Variants in NUF2 observed in about 807,000 individuals in gnomAD.
NUF2 encodes NUF2 component of NDC80 kinetochore complex, also known as kinetochore protein Nuf2.
A neutral mutation model predicts 61.8 loss-of-function variants in NUF2; 34 were observed. The observed-to-expected ratio is 0.55, with a 90% CI of 0.42 to 0.73. NUF2 has a LOEUF of 0.73. NUF2 is among the 30% of genes least tolerant of loss of function. The probability of loss-of-function intolerance (pLI) is 0.00; values close to 1 mark genes in which losing one functional copy is unlikely to be tolerated. For missense variants in NUF2, 445 were observed against 539.1 expected, an observed-to-expected ratio of 0.83 and a Z score of 1.73; for synonymous variants, 172 against 181.6, an observed-to-expected ratio of 0.95 and a Z score of 0.42.
In NUF2 at chr1:163,347,772, T is replaced by G. The variant is rs1343761638; in HGVS notation, c.958T>G (p.Leu320Val). 1 of 1,566,312 alleles carries G rather than the reference T, an allele frequency of 6.4e-7. No individual in the cohort carries two copies. The highest frequency in any genetic ancestry group is 8.6e-7 in the Non-Finnish European group (1 of 1,159,840). ...LASILKESLN[L>V]EDQIESDESE... ...TTCTTATAAAATACAGAGCCTGAAC[T>G]TGGAGGACCAAATTGAGAGTGATGA... Residue 320 changes from leucine to valine, a missense_variant, in exon 12 of 14, where the codon TTG (leucine) becomes GTG (valine). Physicochemically the swap from Leu to Val is conservative, Grantham distance 32 (BLOSUM62 1). Coordinates refer to ENST00000271452, the MANE Select transcript of NUF2 (RefSeq NM_145697.3).
intron 9 of NUF2, among the ~76,000 whole-genome samples, chr1:163,342,128 A>G (rs1010985379): frequency 2.0e-5 from 3 of 152,128 alleles, no homozygotes; most frequent in African/African-American, 7.2e-5. Context: ...ATTTTTTAAT[A>G]CTATATTTTC....
Position 163,337,978 on chromosome 1 carries a change from T to C in NUF2, c.436-42T>C, listed in dbSNP as rs749542602. The C allele has an allele frequency of 4.9e-5, 70 of 1,441,056 alleles. No homozygotes were observed. In the East Asian group the frequency reaches 1.5e-3, roughly 32 times the overall value. 89.3% of individuals were successfully genotyped at this position (1,441,056 alleles called of 1,614,324 possible). A position where few individuals can be genotyped will look rare whatever the true frequency, so the allele number is the denominator to read the frequency against. On this transcript the variant is annotated intron_variant, in intron 6 of 13. Coordinates refer to ENST00000271452, the MANE Select transcript of NUF2 (RefSeq NM_145697.3). ...AAACATTTTGGACACACTGATTGTG[T>C]TGAAATGCACTAATATGAGATGATT...
chr1:163,340,828 ATATG>A (rs1650919832), intron 9 of NUF2, among the ~76,000 whole-genome samples: 1 of 152,190 alleles, frequency 6.6e-6, no homozygotes, highest in South Asian at 2.1e-4. Context: ...GTTGAGCATT[ATATG>A]TATGTGCTGT....
Position 163,327,522 on chromosome 1 carries a change from T to G in NUF2, c.158T>G (p.Leu53Ter), listed in dbSNP as rs1650464372. ...EVLHMIYMRALQIVYGIRLEH... is the reference protein window; with the variant it reads ...EVLHMIYMRA The stretch of plus-strand genomic sequence containing the variant: ...TTGCACATGATCTACATGAGAGCCT[T>G]ACAAATAGTATATGGAATTCGACTG... Residue 53 changes from leucine to a stop codon, truncating the protein, a stop_gained, in exon 3 of 14, where the codon TTA becomes TGA. Transcript: ENST00000271452. LOFTEE classifies it high-confidence loss of function. 6.2e-7 allele frequency: 1 copy of G among 1,612,510 alleles called. No individual in the cohort carries two copies. The highest frequency in any genetic ancestry group is 1.3e-5 in the African/African-American group (1 of 74,888).
At position 163,349,075 on chromosome 1, in the gene NUF2, T is replaced by C; in HGVS notation, c.1255T>C (p.Ser419Pro). Reference sequence around the variant, plus strand: ...TGCTGCTGAAAGGGAGAAACTGAAGTCCCAGGTGAATATGTGTTCATAAGA... The same window carrying C: ...TGCTGCTGAAAGGGAGAAACTGAAGCCCCAGGTGAATATGTGTTCATAAGA... ...KDAAEREKLK[S>P]QEIFLNLKTA... The change falls in exon 13 of 14, where the codon TCC (serine) becomes CCC (proline). Residue 419 changes from serine to proline, a missense_variant. Transcript: ENST00000271452. 6.2e-7 allele frequency: 1 copy of C among 1,602,884 alleles called. No homozygotes were observed. The highest frequency in any genetic ancestry group is 2.2e-5 in the East Asian group (1 of 44,690).
In NUF2 at chr1:163,349,003, A is replaced by C. The variant is rs1419807125; in HGVS notation, c.1183A>C (p.Asn395His). ...GAVYERVTTINQEIQKIKLGI... is the reference protein window; with the variant it reads ...GAVYERVTTIHQEIQKIKLGI... ...TGTCTATGAACGAGTAACCACAATT[A>C]ATCAAGAAATCCAAAAAATTAAACT... The change falls in exon 13 of 14, where the codon AAT (asparagine) becomes CAT (histidine). Residue 395 changes from asparagine to histidine, a missense_variant. Coordinates refer to ENST00000271452, the MANE Select transcript of NUF2 (RefSeq NM_145697.3). 1 of 1,611,616 alleles carries C rather than the reference A, an allele frequency of 6.2e-7. No homozygotes were observed. Among genetic ancestry groups the C allele is most frequent in the Non-Finnish European group, 8.5e-7 (1 of 1,179,260 alleles).
intron 5 of NUF2, among the ~76,000 whole-genome samples, chr1:163,331,887 A>G (rs1650609613): frequency 6.6e-6 from 1 of 151,542 alleles, no homozygotes; most frequent in African/African-American, 2.4e-5. Flanking sequence ...TTTCCTAACC[A>G]GTCTGGTTAT....
chr1:163,349,236 G>A (rs1357234522), intron 13 of NUF2, among the ~76,000 whole-genome samples, 156 bp downstream of exon 13: 3 of 151,992 alleles, frequency 2.0e-5, no homozygotes, highest in African/African-American at 7.2e-5. Context: ...TATATTTACT[G>A]TAAAGCTTCA....
chr1:163,352,906 T>A (rs1651371461), intron 13 of NUF2, among the ~76,000 whole-genome samples: 1 of 152,166 alleles, frequency 6.6e-6, no homozygotes. Context: ...ATCATTTCCA[T>A]TATTTAAGGT....
chr1:163,339,811 A>G (rs954263049), intron 8 of NUF2, among the ~76,000 whole-genome samples: 1 of 152,128 alleles, frequency 6.6e-6, no homozygotes, highest in Non-Finnish European at 1.5e-5. Context: ...TTAAATTTTC[A>G]AGGGAACCAC....
At chr1:163,336,984 A>G (rs1650780259) in intron 6 of NUF2, 136 bp downstream of exon 6, 1 of 590,224 alleles carries the variant, frequency 1.7e-6, no homozygotes, top group Non-Finnish European at 3.0e-6. Flanking sequence ...TTTTATATTT[A>G]TATTAACTTG....
intron 9 of NUF2, among the ~76,000 whole-genome samples, chr1:163,343,389 T>C (rs1306380883): frequency 6.6e-6 from 1 of 152,178 alleles, no homozygotes; most frequent in Non-Finnish European, 1.5e-5. Context: ...GATAATGATA[T>C]TCTAGGAGGA....
At position 163,348,951 on chromosome 1, in the gene NUF2, C is replaced by A; in HGVS notation, c.1131C>A (p.Cys377Ter). ...KQYKRTVIED[C>*]NKVQEKRGAV... is the part of the protein sequence containing the mutation. ...TGTCTCGATTTTCTTTCAGGGATTG[C>A]AATAAAGTTCAAGAAAAAAGAGGTG... The change falls in exon 13 of 14, where the codon TGC becomes TGA. Residue 377 changes from cysteine (C) to a stop codon, truncating the protein, a stop_gained. Transcript: ENST00000271452. LOFTEE classifies it high-confidence loss of function. 6.2e-7 allele frequency: 1 copy of A among 1,601,776 alleles called. No homozygotes were observed. The highest frequency in any genetic ancestry group is 8.5e-7 in the Non-Finnish European group (1 of 1,177,138).
chr1:163,352,694 G>A (rs1269331591), intron 13 of NUF2, among the ~76,000 whole-genome samples: 8 of 152,148 alleles, frequency 5.3e-5, no homozygotes, highest in South Asian at 4.2e-4. Flanking sequence ...GTGAAACCCC[G>A]TCTCTACTAA....
intron 10 of NUF2, 96 bp downstream of exon 10, chr1:163,343,966 T>C: frequency 3.0e-6 from 2 of 657,842 alleles, no homozygotes; most frequent in East Asian, 7.0e-5. Context: ...TTCTGAATTA[T>C]CTATACTTCT....
At chr1:163,331,993 T>G (rs550053271) in intron 5 of NUF2, among the ~76,000 whole-genome samples, 1 of 151,982 alleles carries the variant, frequency 6.6e-6, no homozygotes, top group Non-Finnish European at 1.5e-5. Context: ...TTATTGTTAT[T>G]CTTTCTTCAT....
Position 163,328,425 on chromosome 1 carries a change from C to T in NUF2, c.275+121C>T, listed in dbSNP as rs1047809623. ...TACTATGTTCCTTTTCATTTCATCC[C>T]ATATACATTCATTCAAACTTTCAAA... On this transcript the variant is annotated intron_variant, in intron 4 of 13. Coordinates refer to ENST00000271452, the MANE Select transcript of NUF2 (RefSeq NM_145697.3). The T allele has an allele frequency of 2.6e-5, 15 of 571,520 alleles. No homozygotes were observed. In the African/African-American group the frequency reaches 2.7e-4, roughly 10 times the overall value. 35.4% of individuals were successfully genotyped at this position (571,520 alleles called of 1,614,324 possible).
At chr1:163,326,197 T>C in intron 2 of NUF2, 23 bp downstream of exon 2, 1 of 1,609,574 alleles carries the variant, frequency 6.2e-7, no homozygotes, top group Non-Finnish European at 8.5e-7. Flanking sequence ...TACGTTTGCA[T>C]GTGGATAATG....
chr1:163,341,272 C>T (rs888722562), intron 9 of NUF2, among the ~76,000 whole-genome samples: 5 of 152,030 alleles, frequency 3.3e-5, no homozygotes, highest in Admixed American at 1.3e-4. Flanking sequence ...TGCAGTGGCG[C>T]GATCTTGGCT....
Sources: gnomAD v4.1 joint callset for allele counts (sites outside exome capture counted in the v4.1 genomes callset) on GRCh38, gnomAD v4.1.1 for gene constraint, MANE v1.5 for transcripts, NCBI Gene and HGNC (gene_info 2026-07-23, HGNC 2026-07-21) for gene names.